STK32B: variants seen among roughly 807,000 people sequenced by gnomAD.
STK32B encodes serine/threonine kinase 32B.
STK32B carries 43 observed loss-of-function variants against 52.6 expected under a neutral mutation model. The observed-to-expected ratio is 0.82, with a 90% CI of 0.64 to 1.05. STK32B has a LOEUF of 1.05. Among genes scored for constraint, STK32B ranks in the 50% least tolerant of loss-of-function variants. The pLI, the probability that STK32B is intolerant of heterozygous loss-of-function variation, is 0.00. For missense variants in STK32B, 621 were observed against 534.6 expected, an observed-to-expected ratio of 1.16 and a Z score of -1.59; for synonymous variants, 238 against 204.3, an observed-to-expected ratio of 1.17 and a Z score of -1.41.
chr4:5,465,848 G>A (rs754073777), intron 9 of STK32B, among the ~76,000 whole-genome samples: 2 of 152,170 alleles, frequency 1.3e-5, no homozygotes, highest in African/African-American at 4.8e-5. Flanking sequence ...GACCACCACT[G>A]TAGGGAGGAC....
chr4:5,147,809 G>A (rs1040561039), intron 2 of STK32B, among the ~76,000 whole-genome samples: 4 of 151,790 alleles, frequency 2.6e-5, no homozygotes, highest in Admixed American at 6.6e-5. Flanking sequence ...TATTGAATTG[G>A]ATTTGCCAAT....
chr4:5,463,330 C>G (rs995119444), intron 9 of STK32B, among the ~76,000 whole-genome samples: 8 of 152,188 alleles, frequency 5.3e-5, no homozygotes, highest in Non-Finnish European at 8.8e-5. Flanking sequence ...CTGGGATGCC[C>G]TGGGGGGCAT....
chr4:5,244,997 C>G (rs1046565272), intron 3 of STK32B, among the ~76,000 whole-genome samples: 16 of 152,126 alleles, frequency 1.1e-4, no homozygotes, highest in African/African-American at 1.9e-4. Context: ...TTACTTCCAA[C>G]TATGTGGTCA....
chr4:5,299,359 G>T (rs1280648010), intron 3 of STK32B, among the ~76,000 whole-genome samples: 1 of 152,168 alleles, frequency 6.6e-6, no homozygotes, highest in Non-Finnish European at 1.5e-5. Flanking sequence ...CCCAGGGCCA[G>T]TCCCCAGCAA....
chr4:5,159,526 T>TATGA (rs1479001268), intron 2 of STK32B, among the ~76,000 whole-genome samples: 37 of 120,610 alleles, frequency 3.1e-4, no homozygotes, highest in Middle Eastern at 4.0e-3. Context: ...GAATATATGA[T>TATGA]ATATATGTAT....
At chr4:5,253,765 A>C (rs1726111661) in intron 3 of STK32B, among the ~76,000 whole-genome samples, 1 of 152,198 alleles carries the variant, frequency 6.6e-6, no homozygotes. Context: ...TACACTTGGA[A>C]ACATCTAAGA....
At chr4:5,352,143 C>A (rs1023265078) in intron 4 of STK32B, among the ~76,000 whole-genome samples, 11 of 151,796 alleles carry the variant, frequency 7.2e-5, no homozygotes. Flanking sequence ...GATACAGCAA[C>A]AAAAGAAAAG....
rs951158519 is a variant in STK32B, at chr4:5,378,632, G to T, written c.435-19575G>T. ...TTCTAATTTTTATGGGTACATAGTAGGTGTGTATATGTATGGGGTACATGA... is the reference window on the plus strand; with the variant it reads ...TTCTAATTTTTATGGGTACATAGTATGTGTGTATATGTATGGGGTACATGA... On this transcript the variant is annotated intron_variant, in intron 4 of 11. Transcript: ENST00000282908. The surrounding 1 kb of genome is among the most constrained non-coding windows in gnomAD (Gnocchi z 4.4). Among the ~76,000 whole-genome samples the T allele has an allele frequency of 6.6e-6, 1 of 152,008 alleles. No homozygotes were observed. Among genetic ancestry groups the T allele is most frequent in the Non-Finnish European group, 1.5e-5 (1 of 68,012 alleles).
rs796620402 is a variant in STK32B at position 5,470,828 on chromosome 4, G to A, written c.1106+2758G>A. Among the ~76,000 whole-genome samples the A allele has an allele frequency of 9.2e-5, 14 of 152,364 alleles. No individual in the cohort carries two copies. The highest frequency in any genetic ancestry group is 3.4e-4 in the African/African-American group (14 of 41,588). The stretch of plus-strand genomic sequence containing the variant: ...CTTCTGTCTGGAATCCCATGTTAGA[G>A]GCACTGCTGGCACTTGAGTAGCTGG... On this transcript the variant is annotated intron_variant, in intron 11 of 11. Coordinates refer to ENST00000282908, the MANE Select transcript of STK32B (RefSeq NM_018401.3). The surrounding 1 kb of genome is among the most constrained non-coding windows in gnomAD (Gnocchi z 4.6).
chr4:5,114,809 A>G (rs1167652420), intron 1 of STK32B, among the ~76,000 whole-genome samples: 1 of 152,166 alleles, frequency 6.6e-6, no homozygotes, highest in Non-Finnish European at 1.5e-5. Context: ...GTAGTGCTCT[A>G]ACTGGGAGAA....
At chr4:5,260,782 A>T (rs1488866668) in intron 3 of STK32B, among the ~76,000 whole-genome samples, 3 of 152,170 alleles carry the variant, frequency 2.0e-5, no homozygotes, top group Non-Finnish European at 4.4e-5. Context: ...AAGGAGGTCT[A>T]CTAAGGGGTG....
At position 5,236,589 on chromosome 4, in the gene STK32B, C is replaced by T. The variant is rs558157192; in HGVS notation, c.260+68139C>T. ...ATGCAATCATACAGTAGGTCTGAGA[C>T]GTATATAAAGTACACACAGCACCGT... On this transcript the variant is annotated intron_variant, in intron 3 of 11. Transcript: ENST00000282908. 1.3e-4 allele frequency among the ~76,000 whole-genome samples: 20 copies of T among 152,222 alleles called. 1 individual carries two copies. Among genetic ancestry groups the T allele is most frequent in the South Asian group, 4.1e-4 (2 of 4,824 alleles).
chr4:5,422,941 T>A (rs573168763), intron 6 of STK32B, among the ~76,000 whole-genome samples: 2 of 152,262 alleles, frequency 1.3e-5, no homozygotes, highest in East Asian at 3.9e-4. Context: ...GAACAACCCA[T>A]ACAAAGGCAT....
chr4:5,200,267 T>G (rs1430347390), intron 3 of STK32B, among the ~76,000 whole-genome samples: 1 of 152,126 alleles, frequency 6.6e-6, no homozygotes, highest in African/African-American at 2.4e-5. Context: ...TTTTTTTTTT[T>G]TAATTGCCTT....
Position 5,134,699 on chromosome 4 carries a change from A to G in STK32B, c.53-5206A>G, listed in dbSNP as rs1449814618. ...GACTAAACACACGCATGACCCACCC[A>G]TGTGCAAACTTGTGCCCAGCACCAA... On this transcript the variant is annotated intron_variant, in intron 1 of 11. Coordinates refer to ENST00000282908, the MANE Select transcript of STK32B (RefSeq NM_018401.3). Among the ~76,000 whole-genome samples, 4 of 152,224 alleles carry G rather than the reference A, an allele frequency of 2.6e-5. No individual in the cohort carries two copies. In the East Asian group the frequency reaches 5.8e-4, roughly 22 times the overall value.
chr4:5,426,429 G>A (rs1279971753), intron 6 of STK32B, among the ~76,000 whole-genome samples: 1 of 152,072 alleles, frequency 6.6e-6, no homozygotes, highest in Non-Finnish European at 1.5e-5. Flanking sequence ...TTTTGGCCGG[G>A]TGTGGTGGCT....
chr4:5,159,929 T>C (rs1186228288), intron 2 of STK32B, among the ~76,000 whole-genome samples: 2 of 151,984 alleles, frequency 1.3e-5, no homozygotes, highest in Non-Finnish European at 2.9e-5. Context: ...AGATCAAGTC[T>C]GAAGGGCGTC....
At chr4:5,034,392 T>C in the STK32B span, among the ~76,000 whole-genome samples, 93 of 152,358 alleles carry the variant, frequency 6.1e-4, no homozygotes, top group Non-Finnish European at 1.2e-3. Context: ...TGCTGGCCGC[T>C]GGGCCTCCGG....
At chr4:5,196,538 T>C (rs1352814063) in intron 3 of STK32B, among the ~76,000 whole-genome samples, 1 of 151,706 alleles carries the variant, frequency 6.6e-6, no homozygotes, top group Non-Finnish European at 1.5e-5. Context: ...CTGACCAACA[T>C]GGTGAAACCC....
Sources: allele counts gnomAD v4.1 joint callset (sites outside exome capture counted in the v4.1 genomes callset), GRCh38; gene constraint gnomAD v4.1.1; non-coding constraint Gnocchi (gnomAD v3.1); transcripts MANE v1.5; gene names NCBI Gene and HGNC (gene_info 2026-07-23, HGNC 2026-07-21).